The following ALK variants were observed in gnomAD, a reference collection of about 807,000 sequenced individuals.
The protein encoded by ALK is ALK tyrosine kinase receptor.
A neutral mutation model predicts 163.1 loss-of-function variants in ALK; 74 were observed. That is an observed-to-expected ratio of 0.45 (90% CI 0.38 to 0.55). The LOEUF is 0.55. Ranked by LOEUF, ALK falls within the 20% of genes least tolerant of loss-of-function variation. ALK has a pLI of 0.00. For synonymous variants in ALK, 960 were observed against 843.2 expected, an observed-to-expected ratio of 1.14 and a Z score of -2.40; for missense variants, 2,063 against 2,105.3, an observed-to-expected ratio of 0.98 and a Z score of 0.39.
chr2:29,277,807 A>C (rs35679754), intron 9 of ALK, among the ~76,000 whole-genome samples: 1 of 152,124 alleles, frequency 6.6e-6, no homozygotes, highest in Non-Finnish European at 1.5e-5. Context: ...AGCCCCTGCC[A>C]CTCTGGCACT....
chr2:29,652,662 C>T (rs930086017), intron 3 of ALK, among the ~76,000 whole-genome samples: 1 of 152,076 alleles, frequency 6.6e-6, no homozygotes, highest in South Asian at 2.1e-4. Context: ...GACAAAGTGG[C>T]TGAAGGTTAA....
rs113994092 is a variant in ALK at position 29,209,873 on chromosome 2, A to G, written c.3749T>C (p.Ile1250Thr). The G allele has an allele frequency of 2.5e-6, 4 of 1,613,876 alleles. No individual in the cohort carries two copies. The highest frequency in any genetic ancestry group is 3.4e-6 in the Non-Finnish European group (4 of 1,179,874). ...LEENHFIHRD[I>T]AARNCLLTCP... ...GGTCAAGAGGCAGTTTCTGGCAGCA[A>G]TGTCTCTGGGAAGAAAGGAAATGCA... The change falls in exon 25 of 29, where the codon ATT becomes ACT. Residue 1250 changes from isoleucine to threonine, a missense_variant. By Grantham distance (89) the Ile-to-Thr change is moderately conservative. Coordinates refer to ENST00000389048, the MANE Select transcript of ALK (RefSeq NM_004304.5).
chr2:29,919,591 C>T (rs896013287), intron 1 of ALK, among the ~76,000 whole-genome samples: 1 of 152,070 alleles, frequency 6.6e-6, no homozygotes, highest in African/African-American at 2.4e-5. Flanking sequence ...TCTGTGCTGG[C>T]CAGGAACAAG....
intron 4 of ALK, among the ~76,000 whole-genome samples, chr2:29,457,948 T>C (rs56323030): frequency 0.059 from 8,981 of 152,138 alleles, 513 homozygotes; most frequent in African/African-American, 0.15. Context: ...AGTACTATCA[T>C]CAATACTTTA....
intron 1 of ALK, among the ~76,000 whole-genome samples, chr2:29,758,420 G>A (rs2631941): frequency 0.68 from 102,762 of 152,064 alleles, 40,780 homozygotes; most frequent in Non-Finnish European, 0.89. Context: ...TCATTGACAA[G>A]CCACTGGTTA....
chr2:29,591,397 A>G (rs1675054663), intron 3 of ALK, among the ~76,000 whole-genome samples: 1 of 152,210 alleles, frequency 6.6e-6, no homozygotes, highest in South Asian at 2.1e-4. Context: ...CCGGGCAGCC[A>G]CAGCCAGGAT....
At chr2:29,635,883 G>C (rs960356141) in intron 3 of ALK, among the ~76,000 whole-genome samples, 1 of 151,626 alleles carries the variant, frequency 6.6e-6, no homozygotes, top group Non-Finnish European at 1.5e-5. Flanking sequence ...CACCCACCTC[G>C]ACCTCCGAAA....
intron 4 of ALK, among the ~76,000 whole-genome samples, chr2:29,424,378 C>T (rs1262017567): frequency 6.6e-6 from 1 of 152,178 alleles, no homozygotes; most frequent in Non-Finnish European, 1.5e-5. Flanking sequence ...AAAATAAACT[C>T]AAAGGGAAGA....
At chr2:29,454,474 T>C (rs927132706) in intron 4 of ALK, among the ~76,000 whole-genome samples, 1 of 152,152 alleles carries the variant, frequency 6.6e-6, no homozygotes, top group Non-Finnish European at 1.5e-5. Context: ...TTTTTCCTAG[T>C]AGTTTTGATC....
rs1045878688 is a variant in ALK, at chr2:29,532,115, G to T, written c.954C>A (p.Gly318=). Residue 318 remains glycine (G), a splice_region_variant and synonymous_variant, in exon 4 of 29, where the codon GGC becomes GGA. Coordinates refer to ENST00000389048, the MANE Select transcript of ALK (RefSeq NM_004304.5). ...GAERSKEMPR[G]SFLLLNTSAD... is the part of the protein sequence containing the mutation. ...CTGAGGTGTTGAGAAGGAGAAAGGAGCCTGGAAAGAGACAGGGAAAACGAA... is the reference window on the plus strand; with the variant it reads ...CTGAGGTGTTGAGAAGGAGAAAGGATCCTGGAAAGAGACAGGGAAAACGAA... The T allele has an allele frequency of 1.2e-6, 2 of 1,613,984 alleles. No individual in the cohort carries two copies. The highest frequency in any genetic ancestry group is 3.3e-5 in the Admixed American group (2 of 60,020).
intron 4 of ALK, among the ~76,000 whole-genome samples, chr2:29,435,055 T>G (rs1005870014): frequency 2.0e-5 from 3 of 152,184 alleles, no homozygotes; most frequent in African/African-American, 7.2e-5. Context: ...TGAATGCAGC[T>G]GACCCATATC....
At chr2:29,316,685 C>G (rs901537390) in intron 8 of ALK, among the ~76,000 whole-genome samples, 6 of 152,188 alleles carry the variant, frequency 3.9e-5, no homozygotes, top group Admixed American at 3.9e-4. Context: ...TTCTAGGTAC[C>G]TGCTCTCAGA....
At chr2:29,820,636 G>C (rs1381772445) in intron 1 of ALK, among the ~76,000 whole-genome samples, 1 of 152,246 alleles carries the variant, frequency 6.6e-6, no homozygotes, top group Non-Finnish European at 1.5e-5. Context: ...TGCCATGAGA[G>C]AAGATGAAGA....
intron 11 of ALK, among the ~76,000 whole-genome samples, chr2:29,272,294 A>G (rs1665413697): frequency 6.6e-6 from 1 of 152,066 alleles, no homozygotes; most frequent in African/African-American, 2.4e-5. Flanking sequence ...GACAAATGTA[A>G]TTTCCCTGGA....
intron 1 of ALK, among the ~76,000 whole-genome samples, chr2:29,835,050 G>A (rs1398663353): frequency 6.6e-6 from 1 of 152,242 alleles, no homozygotes; most frequent in East Asian, 1.9e-4. Flanking sequence ...TTCAGGCGGG[G>A]CTGGTGAGTG....
At chr2:29,374,503 G>A (rs1230933112) in intron 5 of ALK, among the ~76,000 whole-genome samples, 1 of 151,880 alleles carries the variant, frequency 6.6e-6, no homozygotes. Context: ...TTGATTTTAG[G>A]AACTTAGCAT....
chr2:29,632,875 T>C (rs1676417939), intron 3 of ALK, among the ~76,000 whole-genome samples: 1 of 152,220 alleles, frequency 6.6e-6, no homozygotes. Context: ...CCATCAGATC[T>C]CATGAGACTT....
chr2:29,484,993 C>T (rs1233994346), intron 4 of ALK, among the ~76,000 whole-genome samples: 1 of 152,052 alleles, frequency 6.6e-6, no homozygotes, highest in African/African-American at 2.4e-5. Context: ...TCTAAAGTTT[C>T]ACTATAATTT....
chr2:29,819,503 T>C (rs1205850111), intron 1 of ALK, among the ~76,000 whole-genome samples: 2 of 152,272 alleles, frequency 1.3e-5, no homozygotes, highest in African/African-American at 4.8e-5. Flanking sequence ...ATTATTACCA[T>C]GAGAGGGATG....
Sources: gnomAD v4.1 joint callset for allele counts (sites outside exome capture counted in the v4.1 genomes callset) on GRCh38, gnomAD v4.1.1 for gene constraint, MANE v1.5 for transcripts, NCBI Gene and HGNC (gene_info 2026-07-23, HGNC 2026-07-21) for gene names.